The following HS3ST4 variants were observed in gnomAD, a reference collection of about 807,000 sequenced individuals.
The protein encoded by HS3ST4 is heparan sulfate-glucosamine 3-sulfotransferase 4, also known as heparan sulfate glucosamine 3-O-sulfotransferase 4.
HS3ST4 carries 17 observed loss-of-function variants against 29.2 expected under a neutral mutation model. The ratio of observed to expected loss-of-function variants is 0.58; its 90% CI spans 0.40 to 0.87. The LOEUF (loss-of-function observed/expected upper bound fraction) is 0.87. Among genes scored for constraint, HS3ST4 ranks in the 40% least tolerant of loss-of-function variants. The pLI is 0.00. For synonymous variants in HS3ST4, 314 were observed against 285.7 expected, an observed-to-expected ratio of 1.10 and a Z score of -1.00; for missense variants, 627 against 634.5, an observed-to-expected ratio of 0.99 and a Z score of 0.13.
rs574193758 is a variant in HS3ST4 at position 25,937,976 on chromosome 16, C to T, written c.735-197636C>T. 9.9e-5 allele frequency among the ~76,000 whole-genome samples: 15 copies of T among 152,204 alleles called. No individual in the cohort carries two copies. In the East Asian group the frequency reaches 2.5e-3, roughly 26 times the overall value. ...ACCACAAGGCAGTAGGAGGGAAATG[C>T]GCAGGGTTGGAGACATCTAACTGGG... On this transcript the variant is annotated intron_variant, in intron 1 of 1. Coordinates refer to ENST00000331351, the MANE Select transcript of HS3ST4 (RefSeq NM_006040.3).
At chr16:25,786,166 G>C (rs1261658584) in intron 1 of HS3ST4, among the ~76,000 whole-genome samples, 1 of 152,108 alleles carries the variant, frequency 6.6e-6, no homozygotes, top group Non-Finnish European at 1.5e-5. Context: ...GACTAGGTCT[G>C]GGGGGAAATG....
intron 1 of HS3ST4, among the ~76,000 whole-genome samples, chr16:25,857,944 C>CTTTCT (rs1967596192): frequency 3.9e-5 from 2 of 51,418 alleles, no homozygotes; most frequent in African/African-American, 2.1e-4. Context: ...TTCTTTCTTT[C>CTTTCT]TTTCTTTCTT....
rs190827649 is a variant in HS3ST4, at chr16:25,851,305, C to T, written c.734+158154C>T. ...TCACCATTTCTGATTCCAGGGAGGA[C>T]GGCATGTTGCAAGTGGCTGTCATCA... is the stretch of plus-strand genomic sequence containing the variant. On this transcript the variant is annotated intron_variant, in intron 1 of 1. Transcript: ENST00000331351. Among the ~76,000 whole-genome samples the T allele has an allele frequency of 2.0e-3, 306 of 152,228 alleles. 2 individuals are homozygous for T. Among genetic ancestry groups the T allele is most frequent in the African/African-American group, 6.5e-3 (268 of 41,546 alleles).
chr16:26,125,126 T>G (rs1440805651), intron 1 of HS3ST4, among the ~76,000 whole-genome samples: 3 of 152,252 alleles, frequency 2.0e-5, no homozygotes, highest in Non-Finnish European at 4.4e-5. Context: ...TCTCTTCCTC[T>G]TTCTGGTTGG....
At chr16:26,107,441 A>G (rs756965658) in intron 1 of HS3ST4, among the ~76,000 whole-genome samples, 16 of 152,146 alleles carry the variant, frequency 1.1e-4, no homozygotes, top group Non-Finnish European at 1.5e-4. Context: ...TTTTGGTTAC[A>G]TGGATGAAAT....
chr16:25,739,116 C>A (rs1211980930), intron 1 of HS3ST4, among the ~76,000 whole-genome samples: 1 of 152,042 alleles, frequency 6.6e-6, no homozygotes, highest in Non-Finnish European at 1.5e-5. Context: ...CTGAGGCGGG[C>A]AGATCATCTG....
chr16:25,741,027 A>G (rs1172642805), intron 1 of HS3ST4, among the ~76,000 whole-genome samples: 6 of 152,010 alleles, frequency 3.9e-5, no homozygotes, highest in South Asian at 2.1e-4. Flanking sequence ...ATTATACTAC[A>G]TAAAGTGTGT....
At chr16:25,880,508 T>C (rs4435255) in intron 1 of HS3ST4, among the ~76,000 whole-genome samples, 12,711 of 152,260 alleles carry the variant, frequency 0.083, 562 homozygotes, top group East Asian at 0.13. Context: ...GTAAATACTT[T>C]CCTCCCAGCA....
At chr16:25,863,428 T>G (rs1435252225) in intron 1 of HS3ST4, among the ~76,000 whole-genome samples, 1 of 152,190 alleles carries the variant, frequency 6.6e-6, no homozygotes, top group African/African-American at 2.4e-5. Flanking sequence ...CTTTTCTCTC[T>G]CTTCATGATG....
At chr16:25,828,300 C>CTTTCTTTCTTTCTCT (rs1567249517) in intron 1 of HS3ST4, among the ~76,000 whole-genome samples, 2 of 56,770 alleles carry the variant, frequency 3.5e-5, no homozygotes, top group Non-Finnish European at 6.5e-5. Flanking sequence ...TTCTTTCTTT[C>CTTTCTTTCTTTCTCT]CCTCTCTCTC....
At chr16:25,730,813 C>T (rs1318165724) in intron 1 of HS3ST4, among the ~76,000 whole-genome samples, 4 of 151,938 alleles carry the variant, frequency 2.6e-5, no homozygotes, top group Non-Finnish European at 5.9e-5. Context: ...ATCCTTCTAT[C>T]CCTCTTCCCT....
chr16:25,875,435 A>G (rs1289854652), intron 1 of HS3ST4, among the ~76,000 whole-genome samples: 2 of 152,170 alleles, frequency 1.3e-5, no homozygotes, highest in East Asian at 3.8e-4. Flanking sequence ...CTGACTCTGT[A>G]GACCTCATTT....
At chr16:25,992,664 C>T (rs1969124487) in intron 1 of HS3ST4, among the ~76,000 whole-genome samples, 3 of 152,246 alleles carry the variant, frequency 2.0e-5, no homozygotes, top group Admixed American at 2.0e-4. Flanking sequence ...GACAGTGCCA[C>T]CTGTGGGTGC....
Position 25,692,334 on chromosome 16 carries a change from CGGCGGG to C in HS3ST4, c.-78_-73del. 6.6e-6 allele frequency: 1 copy of C among 152,396 alleles called. No homozygotes were observed. Among genetic ancestry groups the C allele is most frequent in the Non-Finnish European group, 1.3e-5 (1 of 76,730 alleles). 9.4% of individuals were successfully genotyped at this position (152,396 alleles called of 1,614,324 possible). On this transcript the variant is annotated 5_prime_UTR_variant, in exon 1 of 2. Transcript: ENST00000331351. ...GCGGCGGCGGCGGCGGCGGCGGCGG[CGGCGGG>C]GGCGGCGGCTGAAACCATGTCCGGG...
rs1428518009 is a variant in HS3ST4 at position 26,008,397 on chromosome 16, T to C, written c.735-127215T>C. Among the ~76,000 whole-genome samples, 3 of 152,168 alleles carry C rather than the reference T, an allele frequency of 2.0e-5. 1 individual carries two copies. In the South Asian group the frequency reaches 6.2e-4, roughly 32 times the overall value. On this transcript the variant is annotated intron_variant, in intron 1 of 1. Coordinates refer to ENST00000331351, the MANE Select transcript of HS3ST4 (RefSeq NM_006040.3). The stretch of plus-strand genomic sequence containing the variant: ...TAGTCTCTGGTGATAAAGGCTGTTT[T>C]TTCACCCTGACACAGGAAGGGTACC...
intron 1 of HS3ST4, among the ~76,000 whole-genome samples, chr16:26,026,947 A>G (rs1408519806): frequency 6.6e-6 from 1 of 152,208 alleles, no homozygotes; most frequent in Non-Finnish European, 1.5e-5. Context: ...TCCGTAGGCT[A>G]AGCATTTGGA....
intron 1 of HS3ST4, among the ~76,000 whole-genome samples, chr16:26,128,437 C>T (rs1055469790): frequency 3.9e-5 from 6 of 152,192 alleles, no homozygotes; most frequent in African/African-American, 1.2e-4. Flanking sequence ...TTACTTAATT[C>T]AGCAAGTTAG....
intron 1 of HS3ST4, among the ~76,000 whole-genome samples, chr16:25,832,632 A>G (rs952677304): frequency 2.0e-5 from 3 of 152,208 alleles, no homozygotes; most frequent in African/African-American, 7.2e-5. Flanking sequence ...ATTGGCATGT[A>G]TTTTCTACAA....
At chr16:25,888,129 C>T (rs1567265304) in intron 1 of HS3ST4, among the ~76,000 whole-genome samples, 1 of 152,132 alleles carries the variant, frequency 6.6e-6, no homozygotes, top group Non-Finnish European at 1.5e-5. Flanking sequence ...TTAATGTGGA[C>T]TTCAGTTGGC....
Sources: allele counts gnomAD v4.1 joint callset (sites outside exome capture counted in the v4.1 genomes callset), GRCh38; gene constraint gnomAD v4.1.1; transcripts MANE v1.5; gene names NCBI Gene and HGNC (gene_info 2026-07-23, HGNC 2026-07-21).